SYN1: variants seen among roughly 807,000 people sequenced by gnomAD.
SYN1 encodes synapsin I.
In SYN1, 8 loss-of-function variants were observed where a neutral mutation model predicts 44.6. The observed-to-expected ratio is 0.18, with a 90% CI of 0.11 to 0.32. The LOEUF (loss-of-function observed/expected upper bound fraction) is 0.32. SYN1 is among the 10% of genes least tolerant of loss of function. The pLI, the probability that SYN1 is intolerant of heterozygous loss-of-function variation, is 1.00. For synonymous variants in SYN1, 275 were observed against 280.1 expected (o/e 0.98, Z 0.18); for missense variants, 451 against 639.4 (o/e 0.71, Z 3.18).
At chrX:47,579,034 C>T (rs2057787346) in intron 5 of SYN1, among the ~76,000 whole-genome samples, 1 of 111,883 alleles carries the variant, frequency 8.9e-6, no homozygotes, top group South Asian at 3.7e-4. Flanking sequence ...GCACAGCACA[C>T]AGAAGTGCAT....
chrX:47,602,247 GTAAGATTCT>G (rs1329679697), intron 5 of SYN1, among the ~76,000 whole-genome samples: 2 of 112,226 alleles, frequency 1.8e-5, no homozygotes, highest in East Asian at 5.5e-4. Flanking sequence ...AGTTGTGGAG[GTAAGATTCT>G]TATACAGAAA....
intron 5 of SYN1, among the ~76,000 whole-genome samples, chrX:47,588,971 G>T (rs371949854): frequency 9.0e-6 from 1 of 111,202 alleles, no homozygotes; most frequent in Non-Finnish European, 1.9e-5. Flanking sequence ...TGTTTACGGG[G>T]TGTCTTTGCC....
intron 5 of SYN1, among the ~76,000 whole-genome samples, chrX:47,592,379 C>G (rs1250572035): frequency 1.8e-5 from 2 of 109,230 alleles, no homozygotes; most frequent in East Asian, 5.6e-4. Flanking sequence ...TAAATGAAAT[C>G]TTCGTAAAAT....
chrX:47,582,230 C>A, intron 5 of SYN1: 1 of 127,867 alleles, frequency 7.8e-6, no homozygotes, highest in Non-Finnish European at 1.6e-5. Flanking sequence ...AGGTGGCTGG[C>A]CCGGGCGAGG....
At chrX:47,591,181 T>C (rs4824622) in intron 5 of SYN1, among the ~76,000 whole-genome samples, 41,646 of 111,826 alleles carry the variant, frequency 0.37, 5,462 homozygotes, top group African/African-American at 0.44. Context: ...CATCAGGCTC[T>C]GCCTGCATGT....
chrX:47,583,904 A>G (rs2057810989), intron 5 of SYN1, among the ~76,000 whole-genome samples: 1 of 111,969 alleles, frequency 8.9e-6, no homozygotes, highest in South Asian at 3.7e-4. Context: ...GTTATAACAC[A>G]GTAAGGAAGA....
chrX:47,579,783 G>A (rs2057789953), intron 5 of SYN1, among the ~76,000 whole-genome samples: 1 of 110,582 alleles, frequency 9.0e-6, no homozygotes, highest in Non-Finnish European at 1.9e-5. Flanking sequence ...CACTCTCACT[G>A]TCCCACTTTC....
At chrX:47,583,535 C>T (rs769659869) in intron 5 of SYN1, 15 of 1,193,015 alleles carry the variant, frequency 1.3e-5, no homozygotes, top group Admixed American at 2.3e-5. Flanking sequence ...ATTCCGACCT[C>T]GGTGAGTCCT....
rs1345170011 is a variant in SYN1 at position 47,606,751 on chromosome X, A to ATATATTT, written c.527+193_527+194insAAATATA. 8.5e-4 allele frequency among the ~76,000 whole-genome samples: 79 copies of ATATATTT among 93,234 alleles called. 1 individual carries two copies. The highest frequency in any genetic ancestry group is 2.0e-3 in the African/African-American group (49 of 24,852). The allele number at this position is 93,234 out of a possible 115,157, so 81.0% of individuals were successfully genotyped here. ...CTGAAATATATATATATATATATAT[A>ATATATTT]TTTTTTTTTAAAGTCTGACTTGTGG... On this transcript the variant is annotated intron_variant, in intron 3 of 12. Transcript: ENST00000295987.
At chrX:47,618,786 G>A (rs4824627) in intron 1 of SYN1, among the ~76,000 whole-genome samples, 27,378 of 110,564 alleles carry the variant, frequency 0.25, 2,694 homozygotes, top group Non-Finnish European at 0.3. Context: ...GTTTAAAAGG[G>A]CTTTAAGGAC....
chrX:47,586,258 A>G (rs751078007), intron 5 of SYN1: 1 of 752,574 alleles, frequency 1.3e-6, no homozygotes. Flanking sequence ...CCTTTGGGAC[A>G]ATTCCACAGG....
At chrX:47,573,099 C>T (rs2057765197) in intron 12 of SYN1, 100 bp from the exon 13 acceptor site, 3 of 1,050,829 alleles carry the variant, frequency 2.9e-6, no homozygotes, top group African/African-American at 1.9e-5. Flanking sequence ...CCCAGCCCTG[C>T]CCCTCTGATC....
At chrX:47,619,100 G>A (rs1275513117) in intron 1 of SYN1, among the ~76,000 whole-genome samples, 1 of 111,111 alleles carries the variant, frequency 9.0e-6, no homozygotes, top group African/African-American at 3.3e-5. Context: ...GACTTTTGGG[G>A]GAGGGGTAGT....
At chrX:47,609,798 A>T (rs1041048190) in intron 1 of SYN1, among the ~76,000 whole-genome samples, 1 of 111,715 alleles carries the variant, frequency 9.0e-6, no homozygotes, top group Non-Finnish European at 1.9e-5. Context: ...AGCAGATCCT[A>T]TGACACTGGA....
chrX:47,581,579 T>C (rs1159357835), intron 5 of SYN1, among the ~76,000 whole-genome samples: 6 of 112,144 alleles, frequency 5.4e-5, no homozygotes, highest in Non-Finnish European at 1.1e-4. Flanking sequence ...GTTACAACCC[T>C]GGTGCCAGGT....
chrX:47,602,503 G>A (rs953831254), intron 5 of SYN1, among the ~76,000 whole-genome samples: 3 of 110,980 alleles, frequency 2.7e-5, no homozygotes, highest in Non-Finnish European at 3.8e-5. Flanking sequence ...GTAGCTGGGC[G>A]TGGTGGCACG....
chrX:47,596,415 C>T (rs1039182346), intron 5 of SYN1, among the ~76,000 whole-genome samples: 7 of 112,380 alleles, frequency 6.2e-5, no homozygotes, highest in South Asian at 3.6e-4. Flanking sequence ...ACCACAAATA[C>T]GCATAAGGCT....
chrX:47,574,634 G>T, intron 11 of SYN1, 44 bp from the exon 12 acceptor site: 1 of 1,127,435 alleles, frequency 8.9e-7, no homozygotes, highest in South Asian at 1.9e-5. Context: ...AGAGTGAGCG[G>T]GTAAGAGATG....
At chrX:47,616,956 G>C (rs1286040359) in intron 1 of SYN1, among the ~76,000 whole-genome samples, 1 of 110,838 alleles carries the variant, frequency 9.0e-6, no homozygotes, top group Non-Finnish European at 1.9e-5. Context: ...AGTAGTATAC[G>C]ATAAATGCTC....
Sources: allele counts gnomAD v4.1 joint callset (sites outside exome capture counted in the v4.1 genomes callset), GRCh38; gene constraint gnomAD v4.1.1; transcripts MANE v1.5; gene names NCBI Gene and HGNC (gene_info 2026-07-23, HGNC 2026-07-21).